PTPRN2: variants seen among roughly 807,000 people sequenced by gnomAD.
The protein encoded by PTPRN2 is protein tyrosine phosphatase receptor type N2, also known as receptor-type tyrosine-protein phosphatase N2.
Under a neutral mutation model 118.8 loss-of-function variants are expected in PTPRN2, and 74 were observed. That is an observed-to-expected ratio of 0.62 (90% CI 0.52 to 0.76). The LOEUF (loss-of-function observed/expected upper bound fraction) is 0.76, where lower values mean the gene tolerates loss of function less well. Ranked by LOEUF, PTPRN2 falls within the 30% of genes least tolerant of loss-of-function variation. PTPRN2 has a pLI of 0.00. For missense variants in PTPRN2, 1,481 were observed against 1,394.4 expected, an observed-to-expected ratio of 1.06 and a Z score of -0.99; for synonymous variants, 641 against 608.0, an observed-to-expected ratio of 1.05 and a Z score of -0.80.
chr7:157,649,276 G>T (rs1805438536), intron 14 of PTPRN2, among the ~76,000 whole-genome samples: 1 of 93,760 alleles, frequency 1.1e-5, no homozygotes, highest in African/African-American at 3.5e-5. Context: ...GAACTCGGTG[G>T]GTCGGACCCA....
intron 12 of PTPRN2, among the ~76,000 whole-genome samples, chr7:157,717,095 C>A (rs1188645230): frequency 5.3e-5 from 8 of 152,168 alleles, no homozygotes; most frequent in Non-Finnish European, 1.2e-4. Flanking sequence ...CACTTAGACT[C>A]TGCAGGAACA....
At chr7:158,217,447 CA>C (rs972383492) in intron 3 of PTPRN2, among the ~76,000 whole-genome samples, 18 of 152,224 alleles carry the variant, frequency 1.2e-4, no homozygotes, top group African/African-American at 4.3e-4. Context: ...AACATAAAAA[CA>C]AAAAGCCCTA....
At chr7:157,656,303 G>A (rs1288741316) in intron 14 of PTPRN2, 54 bp downstream of exon 14, 36 of 1,487,238 alleles carry the variant, frequency 2.4e-5, no homozygotes, top group Non-Finnish European at 1.8e-5. Context: ...TGCAGGGGCC[G>A]AGGAAGGAGG....
At chr7:158,336,806 T>G (rs1160074836) in intron 2 of PTPRN2, among the ~76,000 whole-genome samples, 3 of 98,554 alleles carry the variant, frequency 3.0e-5, no homozygotes, top group Non-Finnish European at 6.8e-5. Flanking sequence ...ACATCCACAC[T>G]CTCACCATAA....
intron 10 of PTPRN2, among the ~76,000 whole-genome samples, chr7:158,089,564 CTT>C: frequency 4.1e-5 from 5 of 123,136 alleles, no homozygotes; most frequent in Admixed American, 2.4e-4. Flanking sequence ...CACAAACCTT[CTT>C]CCCCTGATGA....
Position 157,540,714 on chromosome 7 carries a change from T to C in PTPRN2, c.3048A>G (p.Ter1016TrpextTer20). The C allele has an allele frequency of 6.4e-7, 1 of 1,558,598 alleles. No individual in the cohort carries two copies. The highest frequency in any genetic ancestry group is 8.7e-7 in the Non-Finnish European group (1 of 1,149,936). Residue 1016 changes from the stop codon to tryptophan (W), a stop_lost, in exon 23 of 23, where the codon TGA (stop) becomes TGG (tryptophan). Transcript: ENST00000389418. Reference protein sequence around the residue: ...VNAILKALPQ* With the variant: ...VNAILKALPQW ...CCCCTGAGGCCCCTGAGGCTGCCGC[T>C]CACTGGGGAAGGGCCTTGAGGATGG...
intron 2 of PTPRN2, among the ~76,000 whole-genome samples, chr7:158,489,142 TG>T (rs1191161400): frequency 9.9e-5 from 15 of 152,236 alleles, no homozygotes; most frequent in African/African-American, 3.6e-4. Flanking sequence ...GGAAAATCAG[TG>T]GCTTAAAGGA....
intron 1 of PTPRN2, among the ~76,000 whole-genome samples, chr7:158,556,324 C>G (rs191274276): frequency 6.6e-6 from 1 of 152,056 alleles, no homozygotes; most frequent in Non-Finnish European, 1.5e-5. Flanking sequence ...GAGGCCGAGG[C>G]GGGCAGATCA....
rs753498681 is a variant in PTPRN2, at chr7:158,018,966, CAAAAAAAAA to C, written c.1723+62323_1723+62331del. On this transcript the variant is annotated intron_variant, in intron 11 of 22. Coordinates refer to ENST00000389418, the MANE Select transcript of PTPRN2 (RefSeq NM_002847.5). ...CAAGAGGGAGACTTTGTTTCAAAAACAAAAAAAAAAAAAAAAAAAAAAAAAGAGAATATA... is the reference window on the plus strand; with the variant it reads ...CAAGAGGGAGACTTTGTTTCAAAAACAAAAAAAAAAAAAAAAGAGAATATA... Among the ~76,000 whole-genome samples, 385 of 65,846 alleles carry C rather than the reference CAAAAAAAAA, an allele frequency of 5.8e-3. 2 individuals are homozygous for C. The highest frequency in any genetic ancestry group is 0.018 in the African/African-American group (342 of 19,156). The allele number at this position is 65,846 out of a possible 152,430, so 43.2% of individuals were successfully genotyped here.
chr7:158,150,340 T>C (rs58258763), intron 6 of PTPRN2, among the ~76,000 whole-genome samples: 23,513 of 152,242 alleles, frequency 0.15, 3,061 homozygotes, highest in African/African-American at 0.37. Context: ...GTTCCATTTC[T>C]GAGTACCTGG....
chr7:157,686,765 G>A (rs1797216483), intron 12 of PTPRN2, among the ~76,000 whole-genome samples: 1 of 152,220 alleles, frequency 6.6e-6, no homozygotes, highest in Admixed American at 6.5e-5. Flanking sequence ...CAGAGAAGAA[G>A]TGAGGAGGAG....
intron 5 of PTPRN2, among the ~76,000 whole-genome samples, chr7:158,177,150 T>G (rs998017401): frequency 7.9e-5 from 12 of 152,330 alleles, no homozygotes; most frequent in South Asian, 2.1e-4. Flanking sequence ...AGGACAGACG[T>G]ATCTTTAGCC....
In PTPRN2 at chr7:157,587,662, A is replaced by G. The variant is rs1196171576; in HGVS notation, c.2496+7576T>C. On this transcript the variant is annotated intron_variant, in intron 17 of 22. Coordinates refer to ENST00000389418, the MANE Select transcript of PTPRN2 (RefSeq NM_002847.5). This position sits in a 1 kb window ranked among gnomAD's most constrained non-coding sequence, Gnocchi z 5.3. ...TAAGAGTCAACACACATCCGATGCC[A>G]GTGGGACACCTGCTGACTTCAGCGA... 6.6e-6 allele frequency among the ~76,000 whole-genome samples: 1 copy of G among 152,258 alleles called. No individual in the cohort carries two copies. Among genetic ancestry groups the G allele is most frequent in the African/African-American group, 2.4e-5 (1 of 41,474 alleles).
At chr7:158,405,598 G>A (rs768383615) in intron 2 of PTPRN2, among the ~76,000 whole-genome samples, 1 of 152,214 alleles carries the variant, frequency 6.6e-6, no homozygotes, top group Non-Finnish European at 1.5e-5. Flanking sequence ...AGCAAGAGAC[G>A]ATTTATCCAG....
chr7:157,898,739 T>G lies in PTPRN2; in HGVS notation c.1724-2A>C. On this transcript the variant is annotated splice_acceptor_variant, in intron 11 of 22. Coordinates refer to ENST00000389418, the MANE Select transcript of PTPRN2 (RefSeq NM_002847.5). LOFTEE classifies it high-confidence loss of function. ...CCTCCAGTTTGTCTTTGTTGTCAACTGTTAGGAAAAATCAGAAAGCACAAG... is the reference window on the plus strand; with the variant it reads ...CCTCCAGTTTGTCTTTGTTGTCAACGGTTAGGAAAAATCAGAAAGCACAAG... The G allele has an allele frequency of 6.2e-7, 1 of 1,600,972 alleles. No homozygotes were observed. The highest frequency in any genetic ancestry group is 8.6e-7 in the Non-Finnish European group (1 of 1,167,916).
intron 11 of PTPRN2, among the ~76,000 whole-genome samples, chr7:157,943,438 A>C (rs543676572): frequency 2.6e-5 from 4 of 152,142 alleles, no homozygotes; most frequent in Middle Eastern, 6.8e-3. Flanking sequence ...TTGAAATCCA[A>C]CAATGTCTCC....
chr7:158,294,276 G>A (rs559428059), intron 3 of PTPRN2, among the ~76,000 whole-genome samples: 1 of 152,174 alleles, frequency 6.6e-6, no homozygotes, highest in African/African-American at 2.4e-5. Flanking sequence ...AACATCACTT[G>A]AACCTACAAG....
chr7:158,481,672 C>T (rs1820651891), intron 2 of PTPRN2, among the ~76,000 whole-genome samples: 1 of 152,192 alleles, frequency 6.6e-6, no homozygotes, highest in Non-Finnish European at 1.5e-5. Flanking sequence ...CCATCTTGGC[C>T]AGGCTGGTCT....
intron 2 of PTPRN2, among the ~76,000 whole-genome samples, chr7:158,414,404 T>C (rs1378350783): frequency 1.3e-5 from 2 of 152,162 alleles, no homozygotes; most frequent in African/African-American, 2.4e-5. Context: ...ACAATGGCTA[T>C]TCAGGCCTAA....
Sources: gnomAD v4.1 joint callset for allele counts (sites outside exome capture counted in the v4.1 genomes callset) on GRCh38, gnomAD v4.1.1 for gene constraint, Gnocchi (gnomAD v3.1) non-coding constraint, MANE v1.5 for transcripts, NCBI Gene and HGNC (gene_info 2026-07-23, HGNC 2026-07-21) for gene names.